The following SLIT3 variants were observed in gnomAD, a reference collection of about 807,000 sequenced individuals.
SLIT3 encodes the protein slit guidance ligand 3, also known as slit homolog 3 protein.
Under a neutral mutation model 184.0 loss-of-function variants are expected in SLIT3, and 68 were observed. The ratio of observed to expected loss-of-function variants is 0.37; its 90% CI spans 0.30 to 0.45. The LOEUF is 0.45. Among genes scored for constraint, SLIT3 ranks in the 20% least tolerant of loss-of-function variants. The pLI, the probability that SLIT3 is intolerant of heterozygous loss-of-function variation, is 1.00. For missense variants in SLIT3, 1,707 were observed against 2,026.0 expected, an observed-to-expected ratio of 0.84 and a Z score of 3.02; for synonymous variants, 831 against 828.6, an observed-to-expected ratio of 1.00 and a Z score of -0.05.
intron 4 of SLIT3, among the ~76,000 whole-genome samples, chr5:169,006,901 A>C (rs1269072524): frequency 6.6e-6 from 1 of 152,118 alleles, no homozygotes; most frequent in South Asian, 2.1e-4. Flanking sequence ...GGCACTTGGT[A>C]AGCCAGGCTA....
intron 20 of SLIT3, among the ~76,000 whole-genome samples, chr5:168,728,643 A>T (rs1763207919): frequency 6.6e-6 from 1 of 152,202 alleles, no homozygotes; most frequent in Non-Finnish European, 1.5e-5. Context: ...GCCAAAGCCC[A>T]GGTGCAGTGG....
chr5:169,111,417 A>G (rs1161146096), intron 4 of SLIT3, among the ~76,000 whole-genome samples: 2 of 152,242 alleles, frequency 1.3e-5, no homozygotes, highest in African/African-American at 2.4e-5. Context: ...GAAAGTAGCC[A>G]TAGAAGATAG....
intron 4 of SLIT3, among the ~76,000 whole-genome samples, chr5:169,048,373 CTT>C (rs1021455721): frequency 2.8e-4 from 42 of 152,302 alleles, no homozygotes; most frequent in African/African-American, 9.6e-4. Context: ...GAAATGCTAA[CTT>C]TTGTTATTGT....
chr5:168,770,667 T>TA (rs1202577157), intron 14 of SLIT3, among the ~76,000 whole-genome samples: 2 of 142,286 alleles, frequency 1.4e-5, no homozygotes, highest in African/African-American at 2.6e-5. Flanking sequence ...TTTTTTTTTT[T>TA]AAAAAAGGTA....
intron 4 of SLIT3, among the ~76,000 whole-genome samples, chr5:168,956,292 T>C (rs916755493): frequency 6.6e-6 from 1 of 152,174 alleles, no homozygotes; most frequent in African/African-American, 2.4e-5. Context: ...GCCAGTAGCA[T>C]CTCTGAGAAA....
At chr5:169,126,781 T>C (rs1329780073) in intron 4 of SLIT3, among the ~76,000 whole-genome samples, 1 of 152,094 alleles carries the variant, frequency 6.6e-6, no homozygotes, top group African/African-American at 2.4e-5. Flanking sequence ...AGCCCAGAGG[T>C]GACAGGAGGA....
In SLIT3 at chr5:168,844,633, T is replaced by C. The variant is rs775477989; in HGVS notation, c.508A>G (p.Ser170Gly). The C allele has an allele frequency of 3.1e-6, 5 of 1,614,146 alleles. No homozygotes were observed. The highest frequency in any genetic ancestry group is 2.2e-5 in the South Asian group (2 of 91,084). The change falls in exon 6 of 36, where the codon AGC (serine) becomes GGC (glycine). Residue 170 changes from serine (S) to glycine (G), a missense_variant. This residue lies in a region of SLIT3 where 1,307 missense variants were observed against 1,511.6 expected (regional missense o/e 0.86). Coordinates refer to ENST00000519560, the MANE Select transcript of SLIT3 (RefSeq NM_003062.4). ...KNLQLDNNHI[S>G]CIEDGAFRAL... ...CGGAAGGCTCCATCTTCAATGCAGC[T>C]GATGTGGTTGTTGTCCAGTTGCCTG...
intron 4 of SLIT3, among the ~76,000 whole-genome samples, chr5:169,131,394 G>A (rs1761291057): frequency 6.6e-6 from 1 of 152,106 alleles, no homozygotes; most frequent in Non-Finnish European, 1.5e-5. Context: ...TCTGGGAGTG[G>A]GACCCAGCAA....
chr5:169,205,400 T>C (rs1470521312), intron 3 of SLIT3, among the ~76,000 whole-genome samples: 1 of 152,204 alleles, frequency 6.6e-6, no homozygotes, highest in Non-Finnish European at 1.5e-5. Flanking sequence ...ATGTACTGCA[T>C]GGCCTTAGGA....
At chr5:169,123,122 A>G (rs1454286720) in intron 4 of SLIT3, among the ~76,000 whole-genome samples, 1 of 152,176 alleles carries the variant, frequency 6.6e-6, no homozygotes, top group Non-Finnish European at 1.5e-5. Flanking sequence ...CACCAAAATC[A>G]ACTTATACTA....
chr5:169,277,158 A>G (rs1385447185), intron 1 of SLIT3, among the ~76,000 whole-genome samples: 2 of 152,192 alleles, frequency 1.3e-5, no homozygotes, highest in African/African-American at 4.8e-5. Context: ...ACTTCATGTA[A>G]GTGGAATCTG....
At chr5:168,676,160 CTCTTCCAT>C (rs1346259260) in intron 32 of SLIT3, among the ~76,000 whole-genome samples, 3 of 135,630 alleles carry the variant, frequency 2.2e-5, no homozygotes, top group East Asian at 6.1e-4. Flanking sequence ...TTTATCTACT[CTCTTCCAT>C]CCATCCATCC....
intron 4 of SLIT3, among the ~76,000 whole-genome samples, chr5:169,182,122 C>T (rs918244569): frequency 1.2e-4 from 18 of 152,104 alleles, no homozygotes; most frequent in East Asian, 3.9e-4. Context: ...AATCAAGGGG[C>T]GGGCGGGCCA....
At chr5:169,101,087 C>A (rs1433548407) in intron 4 of SLIT3, among the ~76,000 whole-genome samples, 7 of 152,124 alleles carry the variant, frequency 4.6e-5, no homozygotes, top group Non-Finnish European at 8.8e-5. Context: ...TTCATTTTGT[C>A]CTGAGTGCCA....
chr5:169,060,013 C>T (rs1044709276), intron 4 of SLIT3, among the ~76,000 whole-genome samples: 10 of 152,332 alleles, frequency 6.6e-5, no homozygotes, highest in African/African-American at 2.4e-4. Flanking sequence ...AGAAAGAAGC[C>T]AGCCATCTGC....
At chr5:168,959,390 CCTGT>C (rs1762935373) in intron 4 of SLIT3, among the ~76,000 whole-genome samples, 1 of 152,116 alleles carries the variant, frequency 6.6e-6, no homozygotes, top group Non-Finnish European at 1.5e-5. Context: ...AAAGAAAGGC[CCTGT>C]CTGTGTTGAC....
chr5:168,967,963 A>G (rs1052875839), intron 4 of SLIT3, among the ~76,000 whole-genome samples: 2 of 152,124 alleles, frequency 1.3e-5, no homozygotes, highest in Non-Finnish European at 2.9e-5. Flanking sequence ...CCTGCACCAG[A>G]TTCTCTTCCC....
chr5:169,063,591 A>G (rs1015063017), intron 4 of SLIT3, among the ~76,000 whole-genome samples: 4 of 152,166 alleles, frequency 2.6e-5, no homozygotes, highest in African/African-American at 9.7e-5. Context: ...TGTGGCCACA[A>G]TTGACTTCCT....
At chr5:169,138,856 T>C (rs1761621518) in intron 4 of SLIT3, among the ~76,000 whole-genome samples, 1 of 152,214 alleles carries the variant, frequency 6.6e-6, no homozygotes, top group Non-Finnish European at 1.5e-5. Flanking sequence ...TAAGTGATAT[T>C]ATCATGGGGA....
Sources: allele counts gnomAD v4.1 joint callset (sites outside exome capture counted in the v4.1 genomes callset), GRCh38; gene constraint gnomAD v4.1.1; regional missense constraint gnomAD v4.1.1; transcripts MANE v1.5; gene names NCBI Gene and HGNC (gene_info 2026-07-23, HGNC 2026-07-21).